RFX3: variants seen among roughly 807,000 people sequenced by gnomAD.
The protein encoded by RFX3 is regulatory factor X3.
A neutral mutation model predicts 98.6 loss-of-function variants in RFX3; 14 were observed. The ratio of observed to expected loss-of-function variants is 0.14; its 90% CI spans 0.09 to 0.22. The LOEUF (loss-of-function observed/expected upper bound fraction) is 0.22. Ranked by LOEUF, RFX3 falls within the 10% of genes least tolerant of loss-of-function variation. The probability of loss-of-function intolerance (pLI) is 1.00; values close to 1 mark genes in which losing one functional copy is unlikely to be tolerated. For synonymous variants in RFX3, 383 were observed against 328.4 expected (o/e 1.17, Z -1.80); for missense variants, 639 against 926.9 (o/e 0.69, Z 4.03).
At chr9:3,369,891 G>A (rs1443372543) in intron 2 of RFX3, among the ~76,000 whole-genome samples, 3 of 151,738 alleles carry the variant, frequency 2.0e-5, no homozygotes, top group Admixed American at 1.3e-4. Context: ...GTGCGGTGGC[G>A]CCATCTCCGC....
At position 3,400,902 on chromosome 9, in the gene RFX3, G is replaced by T. The variant is rs186910486; in HGVS notation, c.-8-5306C>A. Among the ~76,000 whole-genome samples the T allele has an allele frequency of 7.0e-4, 105 of 150,738 alleles. 2 individuals carry two copies. Among genetic ancestry groups the T allele is most frequent in the Admixed American group, 6.2e-3 (94 of 15,176 alleles). ...GCCAAAAGCCACACAACTAGTAAGA[G>T]AAAAAGCCTGAATTCACTTGATGTC... On this transcript the variant is annotated intron_variant, in intron 1 of 16. Coordinates refer to ENST00000617270, the MANE Select transcript of RFX3 (RefSeq NM_001282116.2).
chr9:3,405,633 T>C (rs1375874341), intron 1 of RFX3, among the ~76,000 whole-genome samples: 1 of 152,222 alleles, frequency 6.6e-6, no homozygotes, highest in East Asian at 1.9e-4. Flanking sequence ...GCATCCTTTT[T>C]TCTCAAAGAA....
intron 7 of RFX3, among the ~76,000 whole-genome samples, chr9:3,285,562 G>A (rs964809990): frequency 3.3e-5 from 5 of 151,546 alleles, no homozygotes; most frequent in Non-Finnish European, 5.9e-5. Flanking sequence ...CCTTCAGAGA[G>A]ACCACAGAAG....
At chr9:3,322,834 T>A (rs1831466266) in intron 4 of RFX3, among the ~76,000 whole-genome samples, 1 of 152,184 alleles carries the variant, frequency 6.6e-6, no homozygotes, top group South Asian at 2.1e-4. Flanking sequence ...CACAATCACA[T>A]CATCTACAAG....
At chr9:3,360,782 G>C (rs1836328938) in intron 2 of RFX3, among the ~76,000 whole-genome samples, 2 of 152,088 alleles carry the variant, frequency 1.3e-5, no homozygotes. Flanking sequence ...GAATCAATTA[G>C]TATATTTTGA....
chr9:3,311,516 T>A (rs1267767270), intron 4 of RFX3, among the ~76,000 whole-genome samples: 10 of 152,192 alleles, frequency 6.6e-5, no homozygotes, highest in Non-Finnish European at 1.5e-4. Context: ...TTAGTCTCTA[T>A]AATCACTAAA....
chr9:3,287,085 C>T (rs1415976715), intron 7 of RFX3, among the ~76,000 whole-genome samples: 1 of 151,862 alleles, frequency 6.6e-6, no homozygotes, highest in African/African-American at 2.4e-5. Flanking sequence ...TTTTTTAACT[C>T]TTCAAACATA....
chr9:3,431,930 C>G (rs997228364), intron 1 of RFX3, among the ~76,000 whole-genome samples: 1 of 152,080 alleles, frequency 6.6e-6, no homozygotes, highest in African/African-American at 2.4e-5. Context: ...AAGAGAAGCA[C>G]TAGGATTTAA....
At chr9:3,483,443 A>G (rs1419279289) in intron 1 of RFX3, among the ~76,000 whole-genome samples, 1 of 152,198 alleles carries the variant, frequency 6.6e-6, no homozygotes, top group Non-Finnish European at 1.5e-5. Flanking sequence ...TGTTGAATAA[A>G]ACCAATATAT....
At chr9:3,310,830 G>A (rs1179046907) in intron 4 of RFX3, among the ~76,000 whole-genome samples, 1 of 152,234 alleles carries the variant, frequency 6.6e-6, no homozygotes, top group African/African-American at 2.4e-5. Flanking sequence ...TATAAACAAA[G>A]TGGAAATATT....
chr9:3,416,399 C>CT (rs939165325), intron 1 of RFX3, among the ~76,000 whole-genome samples: 2 of 152,120 alleles, frequency 1.3e-5, no homozygotes, highest in Non-Finnish European at 2.9e-5. Flanking sequence ...TTACATTATG[C>CT]TATGTTGGGC....
At chr9:3,496,849 A>G (rs1195914496) in intron 1 of RFX3, among the ~76,000 whole-genome samples, 2 of 152,016 alleles carry the variant, frequency 1.3e-5, no homozygotes, top group African/African-American at 4.8e-5. Context: ...AAATTACACT[A>G]AATATGTAAG....
chr9:3,285,970 C>G (rs370360677), intron 7 of RFX3, among the ~76,000 whole-genome samples: 30 of 151,720 alleles, frequency 2.0e-4, no homozygotes, highest in African/African-American at 7.0e-4. Context: ...TAAAGAATGT[C>G]CCTTGAAGGC....
intron 1 of RFX3, among the ~76,000 whole-genome samples, chr9:3,504,038 T>C (rs1816345243): frequency 1.3e-5 from 2 of 150,740 alleles, no homozygotes. Context: ...AGGGTGGACT[T>C]CAAGAATTTA....
intron 1 of RFX3, among the ~76,000 whole-genome samples, chr9:3,442,546 G>A (rs1845694342): frequency 6.6e-6 from 1 of 152,098 alleles, no homozygotes; most frequent in Admixed American, 6.6e-5. Context: ...AGATATTAGT[G>A]GAAAAACTGA....
At chr9:3,442,795 A>G (rs1845716258) in intron 1 of RFX3, among the ~76,000 whole-genome samples, 7 of 152,242 alleles carry the variant, frequency 4.6e-5, no homozygotes, top group Admixed American at 4.6e-4. Context: ...CTTCTGGAAG[A>G]AGACATAAAC....
At chr9:3,373,237 T>G (rs191931721) in intron 2 of RFX3, among the ~76,000 whole-genome samples, 2 of 152,276 alleles carry the variant, frequency 1.3e-5, no homozygotes, top group Non-Finnish European at 2.9e-5. Context: ...AATAAACTCC[T>G]CACTCTGCAA....
intron 1 of RFX3, among the ~76,000 whole-genome samples, chr9:3,419,541 A>C (rs1009915597): frequency 6.6e-6 from 1 of 152,176 alleles, no homozygotes; most frequent in Non-Finnish European, 1.5e-5. Flanking sequence ...TGGTAATAAA[A>C]TACCAAATAA....
At chr9:3,408,082 A>T in intron 1 of RFX3, among the ~76,000 whole-genome samples, 1 of 152,216 alleles carries the variant, frequency 6.6e-6, no homozygotes, top group South Asian at 2.1e-4. Context: ...AGAAGGGGCA[A>T]TCTCAATTCG....
Sources: gnomAD v4.1 joint callset for allele counts (sites outside exome capture counted in the v4.1 genomes callset) on GRCh38, gnomAD v4.1.1 for gene constraint, MANE v1.5 for transcripts, NCBI Gene and HGNC (gene_info 2026-07-23, HGNC 2026-07-21) for gene names.